GALNT13: variants seen among roughly 807,000 people sequenced by gnomAD.
The protein encoded by GALNT13 is polypeptide N-acetylgalactosaminyltransferase 13, also known as UDP-GalNAc:polypeptide N-acetylgalactosaminyltransferase 13.
GALNT13 carries 28 observed loss-of-function variants against 64.2 expected under a neutral mutation model. The observed-to-expected ratio is 0.44, with a 90% CI of 0.32 to 0.60. GALNT13 has a LOEUF of 0.60. Among genes scored for constraint, GALNT13 ranks in the 20% least tolerant of loss-of-function variants. GALNT13 has a pLI of 0.05. For synonymous variants in GALNT13, 214 were observed against 224.6 expected (o/e 0.95, Z 0.42); for missense variants, 577 against 669.8 (o/e 0.86, Z 1.53).
intron 7 of GALNT13, 113 bp from the exon 8 acceptor site, chr2:154,258,908 G>T: frequency 6.8e-6 from 4 of 588,452 alleles, no homozygotes; most frequent in South Asian, 2.2e-5. Context: ...TGTGTTTTTA[G>T]TTTGAGATTT....
intron 11 of GALNT13, among the ~76,000 whole-genome samples, chr2:154,425,484 C>G (rs1013022017): frequency 2.0e-5 from 3 of 152,132 alleles, no homozygotes; most frequent in Non-Finnish European, 2.9e-5. Flanking sequence ...TAAAGGGAAA[C>G]TATGTATGCA....
chr2:153,161,011 T>A, the GALNT13 span, among the ~76,000 whole-genome samples: 3 of 152,168 alleles, frequency 2.0e-5, no homozygotes, highest in East Asian at 3.9e-4. Context: ...GCAGATAGAT[T>A]TAAAATATAC....
intron 4 of GALNT13, among the ~76,000 whole-genome samples, chr2:154,165,209 A>G (rs1684960195): frequency 1.3e-5 from 2 of 152,172 alleles, no homozygotes; most frequent in Non-Finnish European, 2.9e-5. Context: ...ATAATCTAAC[A>G]GGGGTCAATT....
At chr2:153,508,587 T>C in the GALNT13 span, among the ~76,000 whole-genome samples, 1 of 152,134 alleles carries the variant, frequency 6.6e-6, no homozygotes, top group Non-Finnish European at 1.5e-5. Context: ...CCAACAACAC[T>C]GAGTCTACTT....
the GALNT13 span, among the ~76,000 whole-genome samples, chr2:153,491,594 A>ATT: frequency 2.3e-4 from 33 of 145,384 alleles, no homozygotes; most frequent in African/African-American, 3.9e-4. Context: ...AAACCATATT[A>ATT]TATTTATTTA....
the GALNT13 span, among the ~76,000 whole-genome samples, chr2:153,629,857 C>CA: frequency 1.4e-5 from 2 of 147,344 alleles, no homozygotes; most frequent in Non-Finnish European, 3.0e-5. Flanking sequence ...AGACACTTCT[C>CA]AAAAAAAGAC....
chr2:153,356,836 C>T, the GALNT13 span, among the ~76,000 whole-genome samples: 83,539 of 135,260 alleles, frequency 0.62, 26,061 homozygotes, highest in Middle Eastern at 0.75. Flanking sequence ...CTTGCTCTGT[C>T]GCCCAGGCTG....
the GALNT13 span, among the ~76,000 whole-genome samples, chr2:153,155,991 C>T: frequency 1.3e-5 from 2 of 152,070 alleles, no homozygotes; most frequent in Non-Finnish European, 2.9e-5. Flanking sequence ...TTATTATTTA[C>T]CCAAAAGTCA....
chr2:153,393,923 A>C, the GALNT13 span, among the ~76,000 whole-genome samples: 3 of 149,810 alleles, frequency 2.0e-5, no homozygotes, highest in Non-Finnish European at 4.4e-5. Flanking sequence ...TCAAATAATC[A>C]ATTTCTTTCT....
chr2:153,595,311 GA>G, the GALNT13 span, among the ~76,000 whole-genome samples: 39,608 of 150,236 alleles, frequency 0.26, 5,548 homozygotes, highest in South Asian at 0.42. Flanking sequence ...CAAATAATAG[GA>G]AAAAAATGAA....
intron 7 of GALNT13, among the ~76,000 whole-genome samples, chr2:154,249,740 G>A (rs1298209261): frequency 6.6e-6 from 1 of 151,980 alleles, no homozygotes; most frequent in Non-Finnish European, 1.5e-5. Context: ...AAGAGTTTTA[G>A]ATGTTCTTTT....
the GALNT13 span, among the ~76,000 whole-genome samples, chr2:153,193,661 A>C: frequency 0.13 from 19,270 of 151,882 alleles, 1,545 homozygotes; most frequent in Non-Finnish European, 0.18. Context: ...ATAAAAAAAA[A>C]AACTTTTGAA....
chr2:153,915,406 G>T (rs1689260014), intron 2 of GALNT13, among the ~76,000 whole-genome samples: 1 of 152,018 alleles, frequency 6.6e-6, no homozygotes, highest in African/African-American at 2.4e-5. Context: ...GGGGATTCCT[G>T]GGTGTCTACA....
At chr2:153,144,023 A>T in the GALNT13 span, among the ~76,000 whole-genome samples, 7 of 151,986 alleles carry the variant, frequency 4.6e-5, no homozygotes, top group Admixed American at 2.6e-4. Flanking sequence ...ATACGCAGCC[A>T]AGTCCACTGT....
the GALNT13 span, among the ~76,000 whole-genome samples, chr2:153,836,011 TTATCTTG>T: frequency 2.0e-5 from 3 of 152,080 alleles, no homozygotes; most frequent in Non-Finnish European, 2.9e-5. Flanking sequence ...TAATATGAAT[TTATCTTG>T]TCCCCTGATC....
At chr2:153,512,948 TATTA>T in the GALNT13 span, among the ~76,000 whole-genome samples, 3 of 152,194 alleles carry the variant, frequency 2.0e-5, no homozygotes, top group Non-Finnish European at 2.9e-5. Context: ...TTCCCTGTAA[TATTA>T]ATTGTTTTCA....
the GALNT13 span, among the ~76,000 whole-genome samples, chr2:153,156,592 T>C: frequency 6.6e-6 from 1 of 152,164 alleles, no homozygotes; most frequent in African/African-American, 2.4e-5. Context: ...AGATTTGATA[T>C]ATGTCATGTT....
At chr2:153,931,536 T>C (rs1252532085) in intron 2 of GALNT13, among the ~76,000 whole-genome samples, 1 of 152,100 alleles carries the variant, frequency 6.6e-6, no homozygotes, top group Admixed American at 6.6e-5. Flanking sequence ...CATGCCTAGT[T>C]TGTTGAAGGT....
chr2:153,963,293 G>GGATGGA (rs1693069627), intron 3 of GALNT13, among the ~76,000 whole-genome samples: 1 of 152,188 alleles, frequency 6.6e-6, no homozygotes, highest in Non-Finnish European at 1.5e-5. Context: ...CATAGCATAT[G>GGATGGA]GATGGAGTAC....
Sources: gnomAD v4.1 joint callset for allele counts (sites outside exome capture counted in the v4.1 genomes callset) on GRCh38, gnomAD v4.1.1 for gene constraint, MANE v1.5 for transcripts, NCBI Gene and HGNC (gene_info 2026-07-23, HGNC 2026-07-21) for gene names.